NBEAL1: variants seen among roughly 807,000 people sequenced by gnomAD.
NBEAL1 encodes the protein neurobeachin like 1.
NBEAL1 carries 273 observed loss-of-function variants against 351.3 expected under a neutral mutation model. The ratio of observed to expected loss-of-function variants is 0.78; its 90% confidence interval spans 0.70 to 0.86. NBEAL1 has a LOEUF of 0.86. Among genes scored for constraint, NBEAL1 ranks in the 40% least tolerant of loss-of-function variants. The pLI is 0.00. For missense variants in NBEAL1, 2,961 were observed against 3,201.3 expected (o/e 0.92, Z 1.81); for synonymous variants, 1,050 against 1,086.4 (o/e 0.97, Z 0.66).
chr2:203,142,981 T>G (rs1032230940), intron 31 of NBEAL1, among the ~76,000 whole-genome samples: 3 of 152,330 alleles, frequency 2.0e-5, no homozygotes, highest in East Asian at 1.9e-4. Flanking sequence ...TGAAGTCTCT[T>G]GTTGCCTTAT....
At position 203,099,718 on chromosome 2, in the gene NBEAL1, A is replaced by G; in HGVS notation, c.1269+6A>G. The G allele has an allele frequency of 6.6e-7, 1 of 1,523,188 alleles. No individual in the cohort carries two copies. The highest frequency in any genetic ancestry group is 8.8e-7 in the Non-Finnish European group (1 of 1,134,716). The allele number at this position is 1,523,188 out of a possible 1,614,324, so 94.4% of individuals were successfully genotyped here. A position where few individuals can be genotyped will look rare whatever the true frequency, so the allele number is the denominator to read the frequency against. On this transcript the variant is annotated splice_donor_region_variant and intron_variant, in intron 12 of 55. Transcript: ENST00000683969. The stretch of plus-strand genomic sequence containing the variant: ...ACAAATCTCCAGCTGCTAAGGTGAA[A>G]CATATATCCTCCAGCTTTTTTTTTT...
rs1255346638 is a variant in NBEAL1, at chr2:203,014,922, G to A, written c.-290G>A. ...GGGGTGACACGGGGCTTCGCCTTGG[G>A]AAGGGGTCGAGGGAAGCAGTTAGAC... On this transcript the variant is annotated 5_prime_UTR_variant, in exon 1 of 56. Transcript: ENST00000683969. 3 of 152,296 alleles carry A rather than the reference G, an allele frequency of 2.0e-5. No homozygotes were observed. Among genetic ancestry groups the A allele is most frequent in the Non-Finnish European group, 4.4e-5 (3 of 68,114 alleles). 9.4% of individuals were successfully genotyped at this position (152,296 alleles called of 1,614,324 possible). A position where few individuals can be genotyped will look rare whatever the true frequency, so the allele number is the denominator to read the frequency against.
intron 36 of NBEAL1, among the ~76,000 whole-genome samples, chr2:203,163,535 T>C (rs1559027528): frequency 2.0e-5 from 3 of 152,182 alleles, no homozygotes; most frequent in Admixed American, 6.5e-5. Context: ...TGAAATCACC[T>C]TCTCCCCAGA....
At chr2:203,153,637 A>G (rs1047802541) in intron 35 of NBEAL1, among the ~76,000 whole-genome samples, 4 of 152,182 alleles carry the variant, frequency 2.6e-5, no homozygotes, top group African/African-American at 9.6e-5. Context: ...GTTATCTTAC[A>G]TAGCAATAGC....
At chr2:203,164,412 A>T (rs1675788207) in intron 36 of NBEAL1, among the ~76,000 whole-genome samples, 1 of 151,762 alleles carries the variant, frequency 6.6e-6, no homozygotes, top group South Asian at 2.1e-4. Flanking sequence ...CTTGGTAGAT[A>T]CTCAGTTGGC....
chr2:203,067,328 A>ATT (rs1417104447), intron 6 of NBEAL1, among the ~76,000 whole-genome samples: 1 of 152,228 alleles, frequency 6.6e-6, no homozygotes, highest in African/African-American at 2.4e-5. Flanking sequence ...CCTTCCACAC[A>ATT]CTGGAAATAG....
intron 7 of NBEAL1, chr2:203,075,082 A>G (rs536385663): frequency 3.3e-5 from 5 of 152,298 alleles, no homozygotes; most frequent in African/African-American, 1.2e-4. Flanking sequence ...CTTGGCCTTC[A>G]TAGCCTTGGC....
At chr2:203,036,856 T>C (rs2061048046) in intron 2 of NBEAL1, among the ~76,000 whole-genome samples, 1 of 149,202 alleles carries the variant, frequency 6.7e-6, no homozygotes, top group African/African-American at 2.4e-5. Context: ...TAATTCTTTA[T>C]GGTGTTGTGT....
chr2:203,106,776 A>T (rs1007637165), intron 12 of NBEAL1, among the ~76,000 whole-genome samples: 1 of 152,118 alleles, frequency 6.6e-6, no homozygotes, highest in African/African-American at 2.4e-5. Context: ...ATATATTTCA[A>T]CCTAAGGTAA....
chr2:203,217,097 C>A (rs2065905276), intron 55 of NBEAL1, among the ~76,000 whole-genome samples, 156 bp from the exon 56 acceptor site: 1 of 152,200 alleles, frequency 6.6e-6, no homozygotes, highest in African/African-American at 2.4e-5. Context: ...AGTCACCACA[C>A]CTGGCCGTCT....
chr2:203,144,937 CT>C, intron 32 of NBEAL1, 32 bp downstream of exon 32: 1 of 1,529,078 alleles, frequency 6.5e-7, no homozygotes, highest in Non-Finnish European at 8.8e-7. Flanking sequence ...CAAGATTTTT[CT>C]GCTAATTTAC....
At position 203,107,633 on chromosome 2, in the gene NBEAL1, T is replaced by G; in HGVS notation, c.1394T>G (p.Val465Gly). The change falls in exon 14 of 56, where the codon GTT becomes GGT. Residue 465 changes from valine to glycine, a missense_variant. Physicochemically the swap from Val to Gly is moderately radical, Grantham distance 109. Coordinates refer to ENST00000683969, the MANE Select transcript of NBEAL1 (RefSeq NM_001378026.1). ...GCTGTAGAGGGTGACCACACTTCAG[T>G]TGGGATTTTGGGCATTAGTAATGTC... Reference protein sequence around the residue: ...NMAVEGDHTSVGILGISNVQP... With the variant: ...NMAVEGDHTSGGILGISNVQP... The G allele has an allele frequency of 6.4e-7, 1 of 1,552,236 alleles. No individual in the cohort carries two copies. Among genetic ancestry groups the G allele is most frequent in the Non-Finnish European group, 8.7e-7 (1 of 1,147,048 alleles).
At chr2:203,028,665 ATATAT>A (rs2060900323) in intron 2 of NBEAL1, among the ~76,000 whole-genome samples, 1 of 151,360 alleles carries the variant, frequency 6.6e-6, no homozygotes, top group African/African-American at 2.4e-5. Context: ...ATACATGTTA[ATATAT>A]TTAATACATT....
chr2:203,172,058 G>T (rs757670278), intron 40 of NBEAL1, 35 bp downstream of exon 40: 2 of 1,270,242 alleles, frequency 1.6e-6, no homozygotes, highest in African/African-American at 1.5e-5. Flanking sequence ...ATGTGGAATT[G>T]CCCTACAGTT....
At chr2:203,090,456 A>AT (rs895485188) in intron 10 of NBEAL1, among the ~76,000 whole-genome samples, 42 of 152,144 alleles carry the variant, frequency 2.8e-4, no homozygotes, top group Non-Finnish European at 5.3e-4. Context: ...TAGAAGTAGC[A>AT]TTTTTTTACT....
chr2:203,131,364 C>T (rs1045874931), intron 25 of NBEAL1, among the ~76,000 whole-genome samples: 1 of 152,078 alleles, frequency 6.6e-6, no homozygotes, highest in Non-Finnish European at 1.5e-5. Flanking sequence ...TACAGGCACG[C>T]ATCACCACAC....
chr2:203,103,938 C>G (rs1398095598), intron 12 of NBEAL1, among the ~76,000 whole-genome samples: 2 of 152,114 alleles, frequency 1.3e-5, no homozygotes, highest in Non-Finnish European at 1.5e-5. Context: ...GTCTTGATTT[C>G]TATTTTTATT....
At chr2:203,049,735 A>G in intron 3 of NBEAL1, 79 bp from the exon 4 acceptor site, 1 of 1,290,566 alleles carries the variant, frequency 7.7e-7, no homozygotes, top group Non-Finnish European at 1.1e-6. Flanking sequence ...TTTGGGCTGA[A>G]AATGAAGTTC....
chr2:203,103,554 G>A (rs1165645181), intron 12 of NBEAL1, among the ~76,000 whole-genome samples: 1 of 152,160 alleles, frequency 6.6e-6, no homozygotes, highest in African/African-American at 2.4e-5. Flanking sequence ...TCACAGATGT[G>A]AGCCATTGTG....
Sources: allele counts gnomAD v4.1 joint callset (sites outside exome capture counted in the v4.1 genomes callset), GRCh38; gene constraint gnomAD v4.1.1; transcripts MANE v1.5; gene names NCBI Gene and HGNC (gene_info 2026-07-23, HGNC 2026-07-21).